PCDHA10: variants seen among roughly 807,000 people sequenced by gnomAD.
The protein encoded by PCDHA10 is protocadherin alpha 10.
PCDHA10 carries 45 observed loss-of-function variants against 61.2 expected under a neutral mutation model. The observed-to-expected ratio is 0.74, with a 90% confidence interval of 0.58 to 0.94. The LOEUF (loss-of-function observed/expected upper bound fraction) is 0.94, where lower values mean the gene tolerates loss of function less well. PCDHA10 is among the 40% of genes least tolerant of loss of function. PCDHA10 has a pLI of 0.00. For missense variants in PCDHA10, 1,278 were observed against 1,236.2 expected, an observed-to-expected ratio of 1.03 and a Z score of -0.51; for synonymous variants, 602 against 548.8, an observed-to-expected ratio of 1.10 and a Z score of -1.35.
intron 1 of PCDHA10, chr5:140,861,381 G>T: frequency 2.3e-6 from 1 of 433,922 alleles, no homozygotes; most frequent in African/African-American, 2.0e-5. Context: ...TATTGCGCAG[G>T]ACCTGGGTCT....
At chr5:140,909,045 G>A (rs1407145935) in intron 1 of PCDHA10, among the ~76,000 whole-genome samples, 1 of 152,112 alleles carries the variant, frequency 6.6e-6, no homozygotes, top group African/African-American at 2.4e-5. Flanking sequence ...TCCATACTCT[G>A]GCATGCAAAT....
intron 1 of PCDHA10, chr5:140,967,079 A>T: frequency 1.2e-6 from 2 of 1,613,252 alleles, no homozygotes; most frequent in South Asian, 2.2e-5. Flanking sequence ...CAACGAGCGC[A>T]TTGATCGGGA....
intron 1 of PCDHA10, chr5:140,928,283 T>C (rs782493603): frequency 4.3e-6 from 7 of 1,614,178 alleles, no homozygotes; most frequent in Non-Finnish European, 5.1e-6. Flanking sequence ...GGGGCCTCTC[T>C]AGGCCGAGTG....
Position 140,928,898 on chromosome 5 carries a change from A to T in PCDHA10, c.2389-50051A>T, listed in dbSNP as rs782530169. ...CCTCAGTTACTTCCAGACTTTGAAGATGTCTGGGAACCAGGAGGGCAGCTT... is the reference window on the plus strand; with the variant it reads ...CCTCAGTTACTTCCAGACTTTGAAGTTGTCTGGGAACCAGGAGGGCAGCTT... On this transcript the variant is annotated intron_variant, in intron 1 of 3. Coordinates refer to ENST00000307360, the MANE Select transcript of PCDHA10 (RefSeq NM_018901.4). 77 of 1,614,004 alleles carry T rather than the reference A, an allele frequency of 4.8e-5. No individual in the cohort carries two copies. The African/African-American group carries it at 7.2e-4, about 15-fold the overall frequency.
At chr5:140,973,489 G>T (rs1554235344) in intron 1 of PCDHA10, among the ~76,000 whole-genome samples, 2 of 152,096 alleles carry the variant, frequency 1.3e-5, no homozygotes, top group African/African-American at 4.8e-5. Flanking sequence ...TTGGTCACAG[G>T]ACTCTTCTTC....
At chr5:140,890,136 T>C (rs1297709763) in intron 1 of PCDHA10, among the ~76,000 whole-genome samples, 4 of 152,148 alleles carry the variant, frequency 2.6e-5, no homozygotes, top group Non-Finnish European at 4.4e-5. Flanking sequence ...TAGCTTGAAA[T>C]TGGCCATGGT....
At chr5:140,881,191 T>C (rs564115136) in intron 1 of PCDHA10, 2 of 170,408 alleles carry the variant, frequency 1.2e-5, no homozygotes, top group African/African-American at 4.8e-5. Context: ...AAAGATATGT[T>C]AACATCTTTG....
intron 1 of PCDHA10, chr5:140,929,314 G>A: frequency 6.4e-7 from 1 of 1,560,184 alleles, no homozygotes; most frequent in Non-Finnish European, 8.7e-7. Flanking sequence ...TCACGCTAAT[G>A]TCAATGCCAT....
chr5:140,884,054 G>C (rs1313975286), intron 1 of PCDHA10: 8 of 1,613,390 alleles, frequency 5.0e-6, no homozygotes, highest in Non-Finnish European at 4.2e-6. Context: ...GAAGGTGCGC[G>C]CGGTGGACGC....
chr5:141,001,213 A>G (rs2097997873), intron 3 of PCDHA10, among the ~76,000 whole-genome samples: 1 of 152,154 alleles, frequency 6.6e-6, no homozygotes, highest in African/African-American at 2.4e-5. Context: ...TGTGCTGTAT[A>G]AGGATAGTTA....
chr5:140,926,798 C>G, intron 1 of PCDHA10: 2 of 1,455,342 alleles, frequency 1.4e-6, no homozygotes, highest in Non-Finnish European at 1.8e-6. Flanking sequence ...GGAGCGTGCT[C>G]TTCCCCGCGG....
chr5:140,875,329 T>C, intron 1 of PCDHA10: 1 of 1,437,476 alleles, frequency 7.0e-7, no homozygotes, highest in Non-Finnish European at 9.1e-7. Flanking sequence ...ATTCACGGAA[T>C]AGGATCGACT....
chr5:141,005,308 TA>T (rs1345689314), intron 3 of PCDHA10, among the ~76,000 whole-genome samples: 4 of 152,214 alleles, frequency 2.6e-5, no homozygotes, highest in Non-Finnish European at 4.4e-5. Context: ...TTGTGAATCT[TA>T]CAGTGGTAGA....
chr5:140,969,424 G>A (rs1554231783), intron 1 of PCDHA10: 1 of 1,558,342 alleles, frequency 6.4e-7, no homozygotes, highest in South Asian at 1.2e-5. Context: ...GTCATTAACA[G>A]TGACAAGAGT....
At chr5:140,892,083 C>T (rs1019565386) in intron 1 of PCDHA10, among the ~76,000 whole-genome samples, 5 of 152,144 alleles carry the variant, frequency 3.3e-5, no homozygotes, top group African/African-American at 1.2e-4. Context: ...TTTCTAGTTT[C>T]CTCTCGAAAC....
intron 1 of PCDHA10, among the ~76,000 whole-genome samples, chr5:140,904,137 G>A (rs2070857554): frequency 6.6e-6 from 1 of 152,040 alleles, no homozygotes; most frequent in African/African-American, 2.4e-5. Context: ...CATCACCCGA[G>A]CAGTATACAT....
chr5:141,009,938 G>T lies in PCDHA10; in HGVS notation c.*1G>T, dbSNP rs781826815. The T allele has an allele frequency of 6.6e-5, 106 of 1,600,570 alleles. No individual in the cohort carries two copies. The highest frequency in any genetic ancestry group is 8.9e-5 in the Non-Finnish European group (105 of 1,175,516). ...CACGACTGACAACAGTGACCAGTGA[G>T]GTCCTCAAATGGAAACAAGCCACTT... On this transcript the variant is annotated 3_prime_UTR_variant, in exon 4 of 4. Coordinates refer to ENST00000307360, the MANE Select transcript of PCDHA10 (RefSeq NM_018901.4).
rs201064172 is a variant in PCDHA10 at position 140,856,130 on chromosome 5, G to T, written c.82G>T (p.Gly28Cys). ...LLLAAWEVGS[G>C]QLHYSVYEEA... Reference sequence around the variant, plus strand: ...CCTCGCAGCCTGGGAGGTGGGGAGCGGCCAGCTCCACTACTCAGTCTACGA... The same window carrying T: ...CCTCGCAGCCTGGGAGGTGGGGAGCTGCCAGCTCCACTACTCAGTCTACGA... The change falls in exon 1 of 4, where the codon GGC becomes TGC. Residue 28 changes from glycine to cysteine, a missense_variant. Coordinates refer to ENST00000307360, the MANE Select transcript of PCDHA10 (RefSeq NM_018901.4). 2.5e-4 allele frequency: 403 copies of T among 1,597,952 alleles called. 51 individuals carry two copies. Among genetic ancestry groups the T allele is most frequent in the Non-Finnish European group, 3.0e-4 (350 of 1,167,798 alleles).
chr5:140,882,668 C>T, intron 1 of PCDHA10: 1 of 1,614,138 alleles, frequency 6.2e-7, no homozygotes, highest in Non-Finnish European at 8.5e-7. Context: ...GCCCATATTC[C>T]CTGAAAGCAA....
Sources: allele counts gnomAD v4.1 joint callset (sites outside exome capture counted in the v4.1 genomes callset), GRCh38; gene constraint gnomAD v4.1.1; transcripts MANE v1.5; gene names NCBI Gene and HGNC (gene_info 2026-07-23, HGNC 2026-07-21).